PDZRN3: variants seen among roughly 807,000 people sequenced by gnomAD.
PDZRN3 encodes E3 ubiquitin-protein ligase PDZRN3.
In PDZRN3, 38 loss-of-function variants were observed where a neutral mutation model predicts 85.7. That is an observed-to-expected ratio of 0.44 (90% CI 0.34 to 0.58). The LOEUF is 0.58. Among genes scored for constraint, PDZRN3 ranks in the 20% least tolerant of loss-of-function variants. The pLI is 0.01. For missense variants in PDZRN3, 1,629 were observed against 1,506.4 expected, an observed-to-expected ratio of 1.08 and a Z score of -1.35; for synonymous variants, 759 against 638.0, an observed-to-expected ratio of 1.19 and a Z score of -2.86.
At chr3:73,477,972 G>C (rs574883175) in intron 3 of PDZRN3, among the ~76,000 whole-genome samples, 2 of 152,104 alleles carry the variant, frequency 1.3e-5, no homozygotes, top group Non-Finnish European at 2.9e-5. Context: ...GGGAAAACCT[G>C]CCCCCATGAT....
chr3:73,499,634 T>G (rs1575692973), intron 3 of PDZRN3, among the ~76,000 whole-genome samples: 1 of 152,174 alleles, frequency 6.6e-6, no homozygotes, highest in Non-Finnish European at 1.5e-5. Flanking sequence ...TCGATGAAAT[T>G]TTAATATTGT....
At chr3:73,469,333 A>C (rs1559695850) in intron 3 of PDZRN3, among the ~76,000 whole-genome samples, 1 of 152,140 alleles carries the variant, frequency 6.6e-6, no homozygotes, top group Non-Finnish European at 1.5e-5. Flanking sequence ...AGCCTCCCGA[A>C]GTGCTGGGAT....
chr3:73,440,206 A>G (rs143151669), intron 3 of PDZRN3, among the ~76,000 whole-genome samples: 1 of 152,132 alleles, frequency 6.6e-6, no homozygotes, highest in African/African-American at 2.4e-5. Flanking sequence ...TGCAAAAGTA[A>G]TTGCGGTTTT....
chr3:73,591,607 A>G (rs767902995), intron 3 of PDZRN3, among the ~76,000 whole-genome samples: 18 of 152,204 alleles, frequency 1.2e-4, no homozygotes, highest in Non-Finnish European at 2.5e-4. Flanking sequence ...AAAGACCCAC[A>G]GGAAACAACA....
At chr3:73,438,552 G>A (rs575347202) in intron 3 of PDZRN3, among the ~76,000 whole-genome samples, 2 of 152,310 alleles carry the variant, frequency 1.3e-5, no homozygotes, top group South Asian at 4.1e-4. Context: ...GAGGAAACAG[G>A]TCTGTGTGGA....
intron 5 of PDZRN3, among the ~76,000 whole-genome samples, chr3:73,399,164 TTAAC>T (rs1398452112): frequency 2.6e-5 from 4 of 152,178 alleles, no homozygotes; most frequent in Admixed American, 1.3e-4. Context: ...AAAGTCAAGT[TTAAC>T]TAAATACCAA....
At chr3:73,440,116 T>C (rs1423174561) in intron 3 of PDZRN3, among the ~76,000 whole-genome samples, 4 of 152,162 alleles carry the variant, frequency 2.6e-5, no homozygotes, top group Non-Finnish European at 5.9e-5. Flanking sequence ...GGACATTTTC[T>C]TTGGGCTGCA....
intron 3 of PDZRN3, among the ~76,000 whole-genome samples, chr3:73,508,755 A>T (rs1412383531): frequency 6.6e-6 from 1 of 152,188 alleles, no homozygotes; most frequent in Non-Finnish European, 1.5e-5. Context: ...TCTGAAAGAG[A>T]TATGTGAAAA....
At position 73,599,727 on chromosome 3, in the gene PDZRN3, A is replaced by C. The variant is rs149011639; in HGVS notation, c.918+2627T>G. ...CCATGACCTGTTCACTACCATGGAA[A>C]TTCACATCCTGTACGGCAAGGCCAT... On this transcript the variant is annotated intron_variant, in intron 3 of 9. Coordinates refer to ENST00000263666, the MANE Select transcript of PDZRN3 (RefSeq NM_015009.3). Among the ~76,000 whole-genome samples the C allele has an allele frequency of 5.0e-3, 765 of 152,310 alleles. 5 individuals carry two copies. The highest frequency in any genetic ancestry group is 7.5e-3 in the Non-Finnish European group (513 of 68,026).
intron 3 of PDZRN3, among the ~76,000 whole-genome samples, chr3:73,548,039 T>C (rs1701467740): frequency 6.6e-6 from 1 of 152,198 alleles, no homozygotes; most frequent in African/African-American, 2.4e-5. Flanking sequence ...GAAGAGGTTG[T>C]GGAGTGCTTG....
At chr3:73,579,801 A>C (rs2106864867) in intron 3 of PDZRN3, among the ~76,000 whole-genome samples, 1 of 152,198 alleles carries the variant, frequency 6.6e-6, no homozygotes, top group African/African-American at 2.4e-5. Flanking sequence ...GCTCCATGGG[A>C]TCTATCCCAT....
At chr3:73,440,089 A>G (rs1702605552) in intron 3 of PDZRN3, among the ~76,000 whole-genome samples, 1 of 151,978 alleles carries the variant, frequency 6.6e-6, no homozygotes, top group Non-Finnish European at 1.5e-5. Context: ...AAATTGATTG[A>G]GGTGCCGCTG....
chr3:73,572,375 C>T (rs1702056936), intron 3 of PDZRN3, among the ~76,000 whole-genome samples: 1 of 152,192 alleles, frequency 6.6e-6, no homozygotes, highest in African/African-American at 2.4e-5. Context: ...ATGCTGTGTT[C>T]TATTCCAGTA....
At chr3:73,391,421 T>G (rs896270073) in intron 5 of PDZRN3, among the ~76,000 whole-genome samples, 12 of 152,348 alleles carry the variant, frequency 7.9e-5, no homozygotes, top group African/African-American at 2.9e-4. Context: ...TCAAAAACAC[T>G]TTTTCAATGT....
At chr3:73,578,813 A>C (rs1006193404) in intron 3 of PDZRN3, among the ~76,000 whole-genome samples, 1 of 152,100 alleles carries the variant, frequency 6.6e-6, no homozygotes, top group African/African-American at 2.4e-5. Context: ...CAGCTAATGA[A>C]GTGGAAAGAG....
At chr3:73,430,961 T>C (rs1437530777) in intron 3 of PDZRN3, among the ~76,000 whole-genome samples, 1 of 152,158 alleles carries the variant, frequency 6.6e-6, no homozygotes, top group African/African-American at 2.4e-5. Flanking sequence ...ATTTCAAATT[T>C]CTGGTAGGCA....
intron 3 of PDZRN3, among the ~76,000 whole-genome samples, chr3:73,551,008 T>C (rs992354525): frequency 2.0e-5 from 3 of 152,228 alleles, no homozygotes; most frequent in Admixed American, 1.3e-4. Context: ...GCTGGATGCT[T>C]TCAGGGAACA....
intron 3 of PDZRN3, among the ~76,000 whole-genome samples, chr3:73,554,320 A>G (rs1196345685): frequency 6.6e-6 from 1 of 150,854 alleles, no homozygotes; most frequent in Non-Finnish European, 1.5e-5. Context: ...ATAAGAAGGT[A>G]TATAAGAATA....
At chr3:73,586,160 C>T (rs773295285) in intron 3 of PDZRN3, among the ~76,000 whole-genome samples, 14 of 152,170 alleles carry the variant, frequency 9.2e-5, no homozygotes, top group Non-Finnish European at 1.5e-4. Flanking sequence ...GGATTCCTCA[C>T]GATTTCCCTC....
Sources: gnomAD v4.1 joint callset for allele counts (sites outside exome capture counted in the v4.1 genomes callset) on GRCh38, gnomAD v4.1.1 for gene constraint, MANE v1.5 for transcripts, NCBI Gene and HGNC (gene_info 2026-07-23, HGNC 2026-07-21) for gene names.